Variants in RNF24 observed in about 807,000 individuals in gnomAD.
The protein encoded by RNF24 is ring finger protein 24.
RNF24 carries 14 observed loss-of-function variants against 20.0 expected under a neutral mutation model. That is an observed-to-expected ratio of 0.70 (90% CI 0.46 to 1.10). The LOEUF is 1.10. Ranked by LOEUF, RNF24 falls within the 50% of genes least tolerant of loss-of-function variation. The probability of loss-of-function intolerance (pLI) is 0.00; values close to 1 mark genes in which losing one functional copy is unlikely to be tolerated. For missense variants in RNF24, 124 were observed against 177.6 expected (o/e 0.70, Z 1.71); for synonymous variants, 45 against 61.1 (o/e 0.74, Z 1.23).
In RNF24 at chr20:3,989,838, T is replaced by C. The variant is rs573714733; in HGVS notation, c.-8+25599A>G. Among the ~76,000 whole-genome samples the C allele has an allele frequency of 3.3e-5, 5 of 152,194 alleles. No homozygotes were observed. In the South Asian group the frequency reaches 6.2e-4, roughly 19 times the overall value. On this transcript the variant is annotated intron_variant, in intron 1 of 5. Coordinates refer to ENST00000358395, the MANE Select transcript of RNF24 (RefSeq NM_001134337.3). Reference sequence around the variant, plus strand: ...AGTTTCTGAGTGAGAAGACACGGAGTAGAGCTCTCAGCCAACTCTTGATGA... The same window carrying C: ...AGTTTCTGAGTGAGAAGACACGGAGCAGAGCTCTCAGCCAACTCTTGATGA...
chr20:3,937,809 A>AT (rs1190626609), intron 4 of RNF24, among the ~76,000 whole-genome samples: 3 of 152,228 alleles, frequency 2.0e-5, no homozygotes, highest in Non-Finnish European at 4.4e-5. Flanking sequence ...TCATGGCTGA[A>AT]TAATATTCCA....
rs1422271499 is a variant in RNF24 at position 3,928,865 on chromosome 20, T to C, written c.*5198A>G. 6.6e-6 allele frequency: 1 copy of C among 151,854 alleles called. No homozygotes were observed. The highest frequency in any genetic ancestry group is 1.5e-5 in the Non-Finnish European group (1 of 67,974). 9.4% of individuals were successfully genotyped at this position (151,854 alleles called of 1,614,324 possible). On this transcript the variant is annotated 3_prime_UTR_variant, in exon 6 of 6. Coordinates refer to ENST00000358395, the MANE Select transcript of RNF24 (RefSeq NM_001134337.3). ...AAGCATTTTCTTTTCTTGTGTGTTT[T>C]TTTGAGACGGAGTCTCGCTCTGTTG...
chr20:3,991,468 G>A (rs2147048061), intron 1 of RNF24, among the ~76,000 whole-genome samples: 1 of 152,050 alleles, frequency 6.6e-6, no homozygotes, highest in East Asian at 1.9e-4. Context: ...TAGCCAGGAT[G>A]GTCTCGATCT....
At chr20:3,994,539 G>T (rs1193910317) in intron 1 of RNF24, among the ~76,000 whole-genome samples, 2 of 152,170 alleles carry the variant, frequency 1.3e-5, no homozygotes, top group African/African-American at 4.8e-5. Context: ...GTATACAAAG[G>T]TGATTAGAAG....
chr20:4,014,522 C>T (rs1982725024), intron 1 of RNF24, among the ~76,000 whole-genome samples: 1 of 152,032 alleles, frequency 6.6e-6, no homozygotes, highest in Admixed American at 6.5e-5. Context: ...CCCAAAAAGG[C>T]AAAGTATTCT....
At chr20:4,009,646 T>C (rs1234952802) in intron 1 of RNF24, among the ~76,000 whole-genome samples, 1 of 151,526 alleles carries the variant, frequency 6.6e-6, no homozygotes, top group African/African-American at 2.4e-5. Context: ...GTTTAAGGAG[T>C]GGAGAGAAGT....
At chr20:3,986,812 CT>C (rs1452583205) in intron 1 of RNF24, among the ~76,000 whole-genome samples, 2 of 151,990 alleles carry the variant, frequency 1.3e-5, no homozygotes, top group African/African-American at 4.8e-5. Flanking sequence ...CCATGCCCAG[CT>C]AATTTTTTTG....
rs1325669149 is a variant in RNF24 at position 3,929,226 on chromosome 20, C to T, written c.*4837G>A. ...CCTGGGCAACATAGTGAGTTGAGAC[C>T]TGTCTCTACAAAAAAATAATTACGA... is the stretch of plus-strand genomic sequence containing the variant. On this transcript the variant is annotated 3_prime_UTR_variant, in exon 6 of 6. Transcript: ENST00000358395. The T allele has an allele frequency of 6.6e-6, 1 of 152,254 alleles. No homozygotes were observed. The highest frequency in any genetic ancestry group is 2.4e-5 in the African/African-American group (1 of 41,450). 9.4% of individuals were successfully genotyped at this position (152,254 alleles called of 1,614,324 possible).
At chr20:3,978,707 A>G (rs1369534439) in intron 1 of RNF24, among the ~76,000 whole-genome samples, 1 of 152,220 alleles carries the variant, frequency 6.6e-6, no homozygotes, top group Non-Finnish European at 1.5e-5. Context: ...AGTAGAAATA[A>G]AGGCTAAAAA....
At chr20:3,951,364 A>C (rs996713906) in intron 2 of RNF24, among the ~76,000 whole-genome samples, 8 of 152,320 alleles carry the variant, frequency 5.3e-5, no homozygotes, top group African/African-American at 1.7e-4. Context: ...ATTTCAATTT[A>C]AGATTGGTTA....
At chr20:3,966,120 C>A (rs1413739897) in intron 1 of RNF24, among the ~76,000 whole-genome samples, 2 of 107,726 alleles carry the variant, frequency 1.9e-5, no homozygotes, top group Admixed American at 1.4e-4. Context: ...GGTGACAGAG[C>A]GAGATTCCAT....
At chr20:4,014,739 G>GCACACACACACACACACACACA (rs146278311) in intron 1 of RNF24, among the ~76,000 whole-genome samples, 1 of 143,670 alleles carries the variant, frequency 7.0e-6, no homozygotes, top group African/African-American at 2.6e-5. Context: ...ACTTGAATGC[G>GCACACACACACACACACACACA]CACACACACA....
intron 1 of RNF24, among the ~76,000 whole-genome samples, chr20:3,999,978 T>C (rs1239999361): frequency 3.3e-5 from 5 of 151,950 alleles, no homozygotes; most frequent in Non-Finnish European, 7.4e-5. Context: ...AGAAAGTAGA[T>C]TGGTAGTTGC....
At chr20:3,981,132 T>C (rs995864748) in intron 1 of RNF24, among the ~76,000 whole-genome samples, 3 of 151,960 alleles carry the variant, frequency 2.0e-5, no homozygotes, top group Non-Finnish European at 4.4e-5. Context: ...TGGGCTGTTA[T>C]TTTTCTCAAC....
In RNF24 at chr20:3,928,597, A is replaced by C. The variant is rs879513747; in HGVS notation, c.*5466T>G. 6.6e-6 allele frequency: 1 copy of C among 151,800 alleles called. No individual in the cohort carries two copies. The highest frequency in any genetic ancestry group is 1.5e-5 in the Non-Finnish European group (1 of 67,954). The allele number at this position is 151,800 out of a possible 1,614,324, so 9.4% of individuals were successfully genotyped here. On this transcript the variant is annotated 3_prime_UTR_variant, in exon 6 of 6. Coordinates refer to ENST00000358395, the MANE Select transcript of RNF24 (RefSeq NM_001134337.3). ...ACGGTGAAACTCCGTCTGTACTAAAAATACAAAAAATTAGCCGAGCGTGGT... is the reference window on the plus strand; with the variant it reads ...ACGGTGAAACTCCGTCTGTACTAAACATACAAAAAATTAGCCGAGCGTGGT...
chr20:3,942,626 C>T (rs561843902), intron 4 of RNF24, among the ~76,000 whole-genome samples: 119 of 152,192 alleles, frequency 7.8e-4, no homozygotes, highest in Non-Finnish European at 1.4e-3. Context: ...GCACCCACCA[C>T]CACGCCCGGC....
chr20:4,003,938 C>A (rs1981635190), intron 1 of RNF24, among the ~76,000 whole-genome samples: 1 of 152,120 alleles, frequency 6.6e-6, no homozygotes, highest in Non-Finnish European at 1.5e-5. Context: ...AGCCACCACG[C>A]CTGGCCAGAA....
chr20:3,973,136 G>A (rs1039069634), intron 1 of RNF24, among the ~76,000 whole-genome samples: 17 of 152,154 alleles, frequency 1.1e-4, no homozygotes, highest in Admixed American at 9.2e-4. Context: ...CCGGGAGGTG[G>A]AGGTTGCAGT....
Position 3,951,865 on chromosome 20 carries a change from G to A in RNF24, c.144-3586C>T, listed in dbSNP as rs6084527. 6.1e-3 allele frequency among the ~76,000 whole-genome samples: 929 copies of A among 152,112 alleles called. 3 individuals carry two copies. Among genetic ancestry groups the A allele is most frequent in the Non-Finnish European group, 0.01 (685 of 68,002 alleles). On this transcript the variant is annotated intron_variant, in intron 2 of 5. Transcript: ENST00000358395. ...CCCCCATCCTTTCCCATGCATTTCC[G>A]TATTTACTGGCACCAAAAGATGTTT...
Sources: gnomAD v4.1 joint callset for allele counts (sites outside exome capture counted in the v4.1 genomes callset) on GRCh38, gnomAD v4.1.1 for gene constraint, MANE v1.5 for transcripts, NCBI Gene and HGNC (gene_info 2026-07-23, HGNC 2026-07-21) for gene names.